The following SMARCC1 variants were observed in gnomAD, a reference collection of about 807,000 sequenced individuals.
SMARCC1 encodes the protein SWI/SNF complex subunit SMARCC1.
A neutral mutation model predicts 147.4 loss-of-function variants in SMARCC1; 43 were observed. That is an observed-to-expected ratio of 0.29 (90% CI 0.23 to 0.38). SMARCC1 has a LOEUF of 0.38. Among genes scored for constraint, SMARCC1 ranks in the 10% least tolerant of loss-of-function variants. The probability of loss-of-function intolerance (pLI) is 1.00; values close to 1 mark genes in which losing one functional copy is unlikely to be tolerated. For missense variants in SMARCC1, 1,119 were observed against 1,381.1 expected (o/e 0.81, Z 3.01); for synonymous variants, 495 against 484.4 (o/e 1.02, Z -0.29).
In SMARCC1 at chr3:47,614,646, G is replaced by A. The variant is rs557181132; in HGVS notation, c.2782-4319C>T. Among the ~76,000 whole-genome samples the A allele has an allele frequency of 1.1e-4, 16 of 151,808 alleles. No homozygotes were observed. In the South Asian group the frequency reaches 3.1e-3, roughly 30 times the overall value. On this transcript the variant is annotated intron_variant, in intron 25 of 27. Coordinates refer to ENST00000254480, the MANE Select transcript of SMARCC1 (RefSeq NM_003074.4). Reference sequence around the variant, plus strand: ...CTTCACCATTTCTCTTCACTTCCACGGCTGACACCCTGGTCCAAGCCACCA... The same window carrying A: ...CTTCACCATTTCTCTTCACTTCCACAGCTGACACCCTGGTCCAAGCCACCA...
At chr3:47,778,306 T>TGTTTTGTTTC (rs367919506) in intron 1 of SMARCC1, among the ~76,000 whole-genome samples, 10 of 152,012 alleles carry the variant, frequency 6.6e-5, no homozygotes, top group African/African-American at 2.4e-4. Flanking sequence ...TTTTTTGTTT[T>TGTTTTGTTTC]GTTTTGTTTC....
At chr3:47,722,904 T>C (rs141115450) in intron 6 of SMARCC1, among the ~76,000 whole-genome samples, 5 of 152,284 alleles carry the variant, frequency 3.3e-5, no homozygotes, top group Admixed American at 2.0e-4. Context: ...AAAGCCTGCA[T>C]TGGGGTTTCC....
chr3:47,601,107 A>C (rs888870730), intron 26 of SMARCC1, among the ~76,000 whole-genome samples: 1 of 150,658 alleles, frequency 6.6e-6, no homozygotes, highest in African/African-American at 2.4e-5. Flanking sequence ...ACCTACATAC[A>C]AGCTTTTTTT....
chr3:47,659,600 G>A (rs1417635266), intron 21 of SMARCC1, among the ~76,000 whole-genome samples: 1 of 152,056 alleles, frequency 6.6e-6, no homozygotes, highest in Non-Finnish European at 1.5e-5. Flanking sequence ...GTTAAAGTAG[G>A]TTTATCAACT....
chr3:47,617,365 CAT>C (rs1226083211), intron 25 of SMARCC1, among the ~76,000 whole-genome samples: 1 of 152,220 alleles, frequency 6.6e-6, no homozygotes, highest in African/African-American at 2.4e-5. Flanking sequence ...GGCTTCCTCA[CAT>C]AGTTTGCCAG....
chr3:47,610,499 C>A (rs1013698858), intron 25 of SMARCC1, 172 bp from the exon 26 acceptor site: 18 of 668,676 alleles, frequency 2.7e-5, no homozygotes, highest in Non-Finnish European at 4.2e-5. Context: ...TCTTGAGTAG[C>A]ATATTTCCAT....
At chr3:47,743,246 G>A (rs1452499028) in intron 3 of SMARCC1, among the ~76,000 whole-genome samples, 1 of 152,182 alleles carries the variant, frequency 6.6e-6, no homozygotes, top group Non-Finnish European at 1.5e-5. Context: ...CACTTCAAGT[G>A]TGCGAGGCAC....
chr3:47,705,323 CAAAAAA>C (rs754344034), intron 10 of SMARCC1, among the ~76,000 whole-genome samples: 1 of 103,750 alleles, frequency 9.6e-6, no homozygotes, highest in South Asian at 3.0e-4. Flanking sequence ...GACTCCGTCT[CAAAAAA>C]AAAAAAAAAA....
intron 25 of SMARCC1, among the ~76,000 whole-genome samples, chr3:47,621,973 C>T (rs991694892): frequency 2.6e-5 from 4 of 152,100 alleles, no homozygotes; most frequent in Admixed American, 1.3e-4. Flanking sequence ...ACAGCCAACA[C>T]GCACAAGAAG....
chr3:47,684,206 G>C (rs1050904489), intron 14 of SMARCC1, among the ~76,000 whole-genome samples: 33 of 145,664 alleles, frequency 2.3e-4, no homozygotes, highest in Non-Finnish European at 3.6e-4. Flanking sequence ...CGCCACTGCA[G>C]TCCAGCCTGG....
In SMARCC1 at chr3:47,586,362, T is replaced by C. The variant is rs1324903220; in HGVS notation, c.*1847A>G. On this transcript the variant is annotated 3_prime_UTR_variant, in exon 28 of 28. Transcript: ENST00000254480. Reference sequence around the variant, plus strand: ...CAGGAAGTAGGTAAAACCCTGGCCATTGTCAAAAGGCACTGGGGTCTTTCT... The same window carrying C: ...CAGGAAGTAGGTAAAACCCTGGCCACTGTCAAAAGGCACTGGGGTCTTTCT... The C allele has an allele frequency of 6.6e-6, 1 of 152,194 alleles. No homozygotes were observed. Among genetic ancestry groups the C allele is most frequent in the South Asian group, 2.1e-4 (1 of 4,824 alleles). The allele number at this position is 152,194 out of a possible 1,614,324, so 9.4% of individuals were successfully genotyped here. A position where few individuals can be genotyped will look rare whatever the true frequency, so the allele number is the denominator to read the frequency against.
intron 21 of SMARCC1, among the ~76,000 whole-genome samples, chr3:47,643,436 CAA>C (rs2033074910): frequency 6.6e-6 from 1 of 151,634 alleles, no homozygotes; most frequent in African/African-American, 2.4e-5. Flanking sequence ...TAGAATCACA[CAA>C]GAGGATTTTA....
chr3:47,710,948 ATG>A (rs1264708110), intron 8 of SMARCC1, 140 bp from the exon 9 acceptor site: 11 of 547,124 alleles, frequency 2.0e-5, no homozygotes, highest in Middle Eastern at 9.1e-4. Flanking sequence ...TACTAATGAT[ATG>A]TGAGTTGTAA....
At chr3:47,625,810 A>G (rs2032801331) in intron 24 of SMARCC1, among the ~76,000 whole-genome samples, 1 of 152,188 alleles carries the variant, frequency 6.6e-6, no homozygotes, top group Non-Finnish European at 1.5e-5. Context: ...ATGATAAAAG[A>G]GAAAATTAGG....
intron 14 of SMARCC1, among the ~76,000 whole-genome samples, chr3:47,685,690 C>T (rs890905180): frequency 6.6e-6 from 1 of 151,988 alleles, no homozygotes; most frequent in Admixed American, 6.6e-5. Flanking sequence ...AAACCCATCT[C>T]TACTAAAAAT....
Position 47,755,989 on chromosome 3 carries a change from T to TAA in SMARCC1, c.316-9998_316-9997dup, listed in dbSNP as rs34001771. Among the ~76,000 whole-genome samples, 59 of 22,910 alleles carry TAA rather than the reference T, an allele frequency of 2.6e-3. 2 individuals carry two copies. Among genetic ancestry groups the TAA allele is most frequent in the African/African-American group, 5.3e-3 (32 of 6,004 alleles). The allele number at this position is 22,910 out of a possible 152,430, so 15.0% of individuals were successfully genotyped here. A position where few individuals can be genotyped will look rare whatever the true frequency, so the allele number is the denominator to read the frequency against. On this transcript the variant is annotated intron_variant, in intron 2 of 27. Transcript: ENST00000254480. The stretch of plus-strand genomic sequence containing the variant: ...CGGGTGACAGAGCCAGGCTTCATCT[T>TAA]AAAAAAAAAAAAAAAAAAAAAAAAA...
chr3:47,693,969 A>G (rs1174087783), intron 11 of SMARCC1, among the ~76,000 whole-genome samples: 4 of 152,174 alleles, frequency 2.6e-5, no homozygotes, highest in Non-Finnish European at 5.9e-5. Flanking sequence ...GGCCAAACGA[A>G]TATCTTTTAT....
At chr3:47,749,138 A>T (rs2034599174) in intron 2 of SMARCC1, among the ~76,000 whole-genome samples, 1 of 151,926 alleles carries the variant, frequency 6.6e-6, no homozygotes. Context: ...TCCCATCTCT[A>T]CCAAAAAATA....
intron 21 of SMARCC1, among the ~76,000 whole-genome samples, chr3:47,643,199 G>A (rs2033071670): frequency 6.6e-6 from 1 of 152,302 alleles, no homozygotes; most frequent in African/African-American, 2.4e-5. Context: ...TTCATCTGAA[G>A]AAAAAGTGAC....
Sources: allele counts gnomAD v4.1 joint callset (sites outside exome capture counted in the v4.1 genomes callset), GRCh38; gene constraint gnomAD v4.1.1; transcripts MANE v1.5; gene names NCBI Gene and HGNC (gene_info 2026-07-23, HGNC 2026-07-21).